The following CFAP46 variants were observed in gnomAD, a reference collection of about 807,000 sequenced individuals.
CFAP46 encodes the protein cilia and flagella associated protein 46, also known as cilia- and flagella-associated protein 46.
A neutral mutation model predicts 325.7 loss-of-function variants in CFAP46; 245 were observed. That is an observed-to-expected ratio of 0.75 (90% CI 0.68 to 0.84). CFAP46 has a LOEUF of 0.84. Ranked by LOEUF, CFAP46 falls within the 40% of genes least tolerant of loss-of-function variation. The pLI is 0.00. For synonymous variants in CFAP46, 1,523 were observed against 1,495.9 expected (o/e 1.02, Z -0.42); for missense variants, 3,346 against 3,543.0 (o/e 0.94, Z 1.41).
At chr10:132,822,057 T>A (rs1414864602) in intron 50 of CFAP46, among the ~76,000 whole-genome samples, 13 of 144,690 alleles carry the variant, frequency 9.0e-5, no homozygotes, top group African/African-American at 3.0e-4. Flanking sequence ...GTGTGCTGTG[T>A]GTGCTGATGT....
At chr10:132,906,834 C>T (rs1354649521) in intron 22 of CFAP46, among the ~76,000 whole-genome samples, 5 of 148,748 alleles carry the variant, frequency 3.4e-5, no homozygotes, top group Non-Finnish European at 7.4e-5. Context: ...TGAACGGGGT[C>T]TTGGCGTGTG....
Position 132,886,521 on chromosome 10 carries a change from G to A in CFAP46, c.3305-562C>T, listed in dbSNP as rs755357774. 1.3e-5 allele frequency among the ~76,000 whole-genome samples: 2 copies of A among 152,132 alleles called. No individual in the cohort carries two copies. Among genetic ancestry groups the A allele is most frequent in the Non-Finnish European group, 2.9e-5 (2 of 68,008 alleles). On this transcript the variant is annotated intron_variant, in intron 25 of 57. Transcript: ENST00000368586. The surrounding 1 kb of genome is among the most constrained non-coding windows in gnomAD (Gnocchi z 5.8). The stretch of plus-strand genomic sequence containing the variant: ...GGTGAGCCCCACCCAGCCTCCATAG[G>A]GCGCCCTGTGGGCCATCAGTGCCCC...
chr10:132,908,344 G>T, intron 22 of CFAP46, 124 bp downstream of exon 22: 1 of 1,219,580 alleles, frequency 8.2e-7, no homozygotes, highest in Middle Eastern at 2.4e-4. Flanking sequence ...GCCCAGGCCC[G>T]CGCTCCCTGC....
chr10:132,923,965 G>A (rs939294207), intron 11 of CFAP46, among the ~76,000 whole-genome samples: 2 of 152,158 alleles, frequency 1.3e-5, no homozygotes, highest in African/African-American at 4.8e-5. Flanking sequence ...GTGGGAAGGA[G>A]CACTGGCAGT....
chr10:132,905,056 G>A (rs10870352), intron 22 of CFAP46, among the ~76,000 whole-genome samples: 27,584 of 152,120 alleles, frequency 0.18, 4,162 homozygotes, highest in African/African-American at 0.42. Context: ...CAACACCCAC[G>A]CTTCCCTTAG....
At chr10:132,875,506 G>C (rs1373789812) in intron 31 of CFAP46, among the ~76,000 whole-genome samples, 1 of 152,216 alleles carries the variant, frequency 6.6e-6, no homozygotes, top group Non-Finnish European at 1.5e-5. Flanking sequence ...CTCAGTAATT[G>C]ACAATGAGAT....
rs540037514 is a variant in CFAP46 at position 132,939,733 on chromosome 10, C to T, written c.372-980G>A. On this transcript the variant is annotated intron_variant, in intron 4 of 57. Coordinates refer to ENST00000368586, the MANE Select transcript of CFAP46 (RefSeq NM_001200049.3). This position sits in a 1 kb window ranked among gnomAD's most constrained non-coding sequence, Gnocchi z 4.6. Reference sequence around the variant, plus strand: ...CAGAGGGGTCATCATGGGACTCCAGCGGCCTGCTGCGTCTCCCTGAGTGCT... The same window carrying T: ...CAGAGGGGTCATCATGGGACTCCAGTGGCCTGCTGCGTCTCCCTGAGTGCT... Among the ~76,000 whole-genome samples, 2 of 152,272 alleles carry T rather than the reference C, an allele frequency of 1.3e-5. No homozygotes were observed. The highest frequency in any genetic ancestry group is 1.9e-4 in the East Asian group (1 of 5,172).
intron 37 of CFAP46, among the ~76,000 whole-genome samples, chr10:132,859,683 G>C (rs1848697109): frequency 6.6e-6 from 1 of 152,184 alleles, no homozygotes; most frequent in South Asian, 2.1e-4. Context: ...CCACAGCAGG[G>C]CCCTGGGCTG....
rs1210566410 is a variant in CFAP46 at position 132,885,135 on chromosome 10, C to G, written c.3595G>C (p.Ala1199Pro). 1 of 1,549,632 alleles carries G rather than the reference C, an allele frequency of 6.5e-7. No individual in the cohort carries two copies. Among genetic ancestry groups the G allele is most frequent in the Admixed American group, 2.0e-5 (1 of 50,952 alleles). Residue 1199 changes from alanine to proline, a missense_variant, in exon 27 of 58, where the codon GCC becomes CCC. Physicochemically the swap from Ala to Pro is conservative, Grantham distance 27 (BLOSUM62 -1). Coordinates refer to ENST00000368586, the MANE Select transcript of CFAP46 (RefSeq NM_001200049.3). ...GCCTGGATGGCGTTGTTGTAGCAGG[C>G]CAGCTCTCCAGACACGCTCGGCGAG... ...LNSPSVSGEL[A>P]CYNNAIQALQ...
rs1282777864 is a variant in CFAP46 at position 132,886,768 on chromosome 10, A to C, written c.3305-809T>G. Among the ~76,000 whole-genome samples the C allele has an allele frequency of 6.6e-6, 1 of 152,082 alleles. No individual in the cohort carries two copies. The highest frequency in any genetic ancestry group is 1.5e-5 in the Non-Finnish European group (1 of 67,998). On this transcript the variant is annotated intron_variant, in intron 25 of 57. Transcript: ENST00000368586. This position sits in a 1 kb window ranked among gnomAD's most constrained non-coding sequence, Gnocchi z 5.8. ...AGAGCCCCGGGAGATCCAAAACATCAAACCAAGGCCATGGAGGCCCCACCT... is the reference window on the plus strand; with the variant it reads ...AGAGCCCCGGGAGATCCAAAACATCCAACCAAGGCCATGGAGGCCCCACCT...
chr10:132,879,661 C>G, intron 28 of CFAP46, 30 bp from the exon 29 acceptor site: 1 of 1,476,030 alleles, frequency 6.8e-7, no homozygotes, highest in Non-Finnish European at 9.0e-7. Context: ...AGGCTGAGAG[C>G]AGGCCCGGCT....
At chr10:132,941,852 T>A (rs1159445063) in intron 2 of CFAP46, 128 bp downstream of exon 2, 2 of 1,518,724 alleles carry the variant, frequency 1.3e-6, no homozygotes, top group East Asian at 2.4e-5. Context: ...CCATCCTCCA[T>A]CCTGGCCCCT....
At chr10:132,812,944 C>T in intron 54 of CFAP46, 47 bp from the exon 55 acceptor site, 1 of 1,471,170 alleles carries the variant, frequency 6.8e-7, no homozygotes, top group African/African-American at 1.4e-5. Flanking sequence ...TGCACCTGTA[C>T]CAGACCCCAC....
At chr10:132,868,966 C>T (rs1209236648) in intron 33 of CFAP46, among the ~76,000 whole-genome samples, 3 of 152,212 alleles carry the variant, frequency 2.0e-5, no homozygotes, top group Admixed American at 6.5e-5. Flanking sequence ...CCTCAGGACC[C>T]GGCGCCCAGC....
At chr10:132,924,637 CTGTCTCCTCCTA>C in intron 11 of CFAP46, 47 bp downstream of exon 11, 1 of 1,380,782 alleles carries the variant, frequency 7.2e-7, no homozygotes. Flanking sequence ...TTCTCCTCCT[CTGTCTCCTCCTA>C]TGCGCCACGC....
At chr10:132,866,197 G>C (rs1290823590) in intron 34 of CFAP46, 26 bp from the exon 35 acceptor site, 1 of 1,487,854 alleles carries the variant, frequency 6.7e-7, no homozygotes, top group Non-Finnish European at 9.0e-7. Context: ...GCCCCAGGCG[G>C]CACGATCCTG....
chr10:132,923,881 A>G (rs987116806), intron 11 of CFAP46, among the ~76,000 whole-genome samples: 3 of 152,198 alleles, frequency 2.0e-5, no homozygotes, highest in African/African-American at 7.2e-5. Flanking sequence ...TCCAAAAGGT[A>G]TAGTCGAGAA....
At chr10:132,866,444 A>G (rs1053783601) in intron 34 of CFAP46, among the ~76,000 whole-genome samples, 1 of 152,054 alleles carries the variant, frequency 6.6e-6, no homozygotes, top group Non-Finnish European at 1.5e-5. Flanking sequence ...TAAGCCCACC[A>G]CTAGCCACGT....
rs781640394 is a variant in CFAP46, at chr10:132,938,606, C to T, written c.519G>A (p.Trp173Ter). 1.1e-5 allele frequency: 17 copies of T among 1,613,168 alleles called. No homozygotes were observed. Among genetic ancestry groups the T allele is most frequent in the Non-Finnish European group, 1.4e-5 (17 of 1,179,962 alleles). The change falls in exon 5 of 58, where the codon TGG becomes TGA. Residue 173 changes from tryptophan to a stop codon, truncating the protein, a stop_gained. Coordinates refer to ENST00000368586, the MANE Select transcript of CFAP46 (RefSeq NM_001200049.3). LOFTEE classifies it high-confidence loss of function. ...LSQTEEEDKE[W>*]RAELMLELLE... ...CAACTCACAGCATCAGCTCAGCACGCCACTCCTTGTCTTCCTCCTCAGTCT... is the reference window on the plus strand; with the variant it reads ...CAACTCACAGCATCAGCTCAGCACGTCACTCCTTGTCTTCCTCCTCAGTCT...
Sources: allele counts gnomAD v4.1 joint callset (sites outside exome capture counted in the v4.1 genomes callset), GRCh38; gene constraint gnomAD v4.1.1; non-coding constraint Gnocchi (gnomAD v3.1); transcripts MANE v1.5; gene names NCBI Gene and HGNC (gene_info 2026-07-23, HGNC 2026-07-21).